The following NRXN3 variants were observed in gnomAD, a reference collection of about 807,000 sequenced individuals.
NRXN3 encodes the protein neurexin III.
Under a neutral mutation model 137.6 loss-of-function variants are expected in NRXN3, and 32 were observed. The ratio of observed to expected loss-of-function variants is 0.23; its 90% CI spans 0.18 to 0.31. NRXN3 has a LOEUF of 0.31. Among genes scored for constraint, NRXN3 ranks in the 10% least tolerant of loss-of-function variants. The pLI is 1.00. For synonymous variants in NRXN3, 798 were observed against 784.5 expected, an observed-to-expected ratio of 1.02 and a Z score of -0.29; for missense variants, 1,574 against 2,062.5, an observed-to-expected ratio of 0.76 and a Z score of 4.59.
chr14:78,696,590 A>C (rs2098228289), intron 6 of NRXN3, among the ~76,000 whole-genome samples: 1 of 151,946 alleles, frequency 6.6e-6, no homozygotes, highest in East Asian at 1.9e-4. Context: ...TCAACTCAGC[A>C]TATTTGCTGT....
At chr14:78,212,956 G>C (rs943194873) in intron 1 of NRXN3, among the ~76,000 whole-genome samples, 1 of 152,188 alleles carries the variant, frequency 6.6e-6, no homozygotes, top group African/African-American at 2.4e-5. Flanking sequence ...TCCAGGGCCT[G>C]CCAACTAGGC....
chr14:78,610,376 A>C (rs1399888988), intron 4 of NRXN3, among the ~76,000 whole-genome samples: 1 of 152,178 alleles, frequency 6.6e-6, no homozygotes, highest in Non-Finnish European at 1.5e-5. Context: ...GATCTGGCCA[A>C]CCAGGCTCCT....
chr14:78,795,333 C>G (rs928814814), intron 8 of NRXN3, among the ~76,000 whole-genome samples: 4 of 152,144 alleles, frequency 2.6e-5, no homozygotes, highest in Non-Finnish European at 5.9e-5. Flanking sequence ...TTTACAGAAA[C>G]CTTTTTCCAT....
chr14:78,330,221 G>A (rs2080629642), intron 4 of NRXN3, among the ~76,000 whole-genome samples: 1 of 152,168 alleles, frequency 6.6e-6, no homozygotes. Flanking sequence ...AGAGCTTGAG[G>A]AATGGGTAAG....
chr14:79,311,599 C>T (rs1483562271), intron 15 of NRXN3, among the ~76,000 whole-genome samples: 1 of 124,606 alleles, frequency 8.0e-6, no homozygotes, highest in African/African-American at 3.0e-5. Flanking sequence ...TTGATTATTG[C>T]CACAATTTCA....
intron 15 of NRXN3, among the ~76,000 whole-genome samples, chr14:79,069,224 A>AGG (rs2099684479): frequency 6.6e-6 from 1 of 152,072 alleles, no homozygotes; most frequent in African/African-American, 2.4e-5. Context: ...ATACCTGACC[A>AGG]TCTCTTTTCT....
chr14:79,673,122 G>A (rs1319798153), intron 17 of NRXN3, among the ~76,000 whole-genome samples: 1 of 151,996 alleles, frequency 6.6e-6, no homozygotes, highest in Non-Finnish European at 1.5e-5. Context: ...CAATATCCTA[G>A]CAGGCTGAAG....
chr14:78,863,588 C>T (rs1337816579), intron 10 of NRXN3, among the ~76,000 whole-genome samples: 1 of 152,068 alleles, frequency 6.6e-6, no homozygotes, highest in Non-Finnish European at 1.5e-5. Context: ...AAAATTTATA[C>T]CTACAGCCTT....
chr14:79,008,213 G>C (rs1291650904), intron 15 of NRXN3, among the ~76,000 whole-genome samples: 1 of 152,046 alleles, frequency 6.6e-6, no homozygotes, highest in Non-Finnish European at 1.5e-5. Flanking sequence ...ATCAATTTAG[G>C]ACAAAAAGCA....
intron 4 of NRXN3, among the ~76,000 whole-genome samples, chr14:78,524,160 T>C (rs1255119001): frequency 6.6e-6 from 1 of 152,236 alleles, no homozygotes; most frequent in Non-Finnish European, 1.5e-5. Context: ...CGATTATGGA[T>C]ATCACTGTAC....
intron 15 of NRXN3, among the ~76,000 whole-genome samples, chr14:79,406,252 T>G: frequency 1.9e-5 from 2 of 104,254 alleles, no homozygotes; most frequent in East Asian, 3.0e-4. Context: ...TCCCCTCCCC[T>G]CCCCTCCCAT....
intron 4 of NRXN3, among the ~76,000 whole-genome samples, chr14:78,456,540 T>G (rs1022019941): frequency 1.3e-5 from 2 of 152,240 alleles, no homozygotes; most frequent in Non-Finnish European, 2.9e-5. Context: ...CTATGCTGTC[T>G]TCATGTTGCC....
chr14:79,855,348 T>C (rs1222447275), intron 20 of NRXN3, among the ~76,000 whole-genome samples: 3 of 152,192 alleles, frequency 2.0e-5, no homozygotes, highest in African/African-American at 7.2e-5. Flanking sequence ...GTTATAGAAA[T>C]ATCAAACTGA....
At chr14:78,371,140 G>A (rs183245305) in intron 4 of NRXN3, among the ~76,000 whole-genome samples, 16 of 152,200 alleles carry the variant, frequency 1.1e-4, no homozygotes, top group Admixed American at 3.3e-4. Context: ...AGTTATCCCC[G>A]TTTTCCTTCC....
chr14:79,531,366 C>T (rs548728040), intron 16 of NRXN3, among the ~76,000 whole-genome samples: 1 of 152,220 alleles, frequency 6.6e-6, no homozygotes, highest in African/African-American at 2.4e-5. Flanking sequence ...TTTCATCTTG[C>T]AAAATTAATC....
chr14:79,773,400 C>T (rs1297844414), intron 19 of NRXN3, among the ~76,000 whole-genome samples: 2 of 151,898 alleles, frequency 1.3e-5, no homozygotes, highest in South Asian at 2.1e-4. Flanking sequence ...AATGATCGAC[C>T]AGATTAAGAA....
intron 4 of NRXN3, among the ~76,000 whole-genome samples, chr14:78,580,970 C>G (rs2096988552): frequency 6.6e-6 from 1 of 152,182 alleles, no homozygotes; most frequent in South Asian, 2.1e-4. Flanking sequence ...TCATACTGTT[C>G]TACGAACACA....
At chr14:79,517,159 T>C (rs921181618) in intron 16 of NRXN3, among the ~76,000 whole-genome samples, 2 of 149,508 alleles carry the variant, frequency 1.3e-5, no homozygotes, top group Admixed American at 1.3e-4. Flanking sequence ...GGTCACACTT[T>C]TAGAAATTTG....
At chr14:79,613,836 C>T (rs924039780) in intron 16 of NRXN3, among the ~76,000 whole-genome samples, 4 of 152,232 alleles carry the variant, frequency 2.6e-5, no homozygotes, top group Non-Finnish European at 5.9e-5. Context: ...GCAGGAAACA[C>T]ACTAAACCAC....
Sources: allele counts gnomAD v4.1 joint callset (sites outside exome capture counted in the v4.1 genomes callset), GRCh38; gene constraint gnomAD v4.1.1; transcripts MANE v1.5; gene names NCBI Gene and HGNC (gene_info 2026-07-23, HGNC 2026-07-21).